DNASE1L3: variants seen among roughly 807,000 people sequenced by gnomAD.
DNASE1L3 encodes the protein deoxyribonuclease gamma.
In DNASE1L3, 27 loss-of-function variants were observed where a neutral mutation model predicts 30.9. The ratio of observed to expected loss-of-function variants is 0.87; its 90% CI spans 0.64 to 1.20. DNASE1L3 has a LOEUF of 1.20. DNASE1L3 is among the 50% of genes most tolerant of loss of function. The probability of loss-of-function intolerance (pLI) is 0.00; values close to 1 mark genes in which losing one functional copy is unlikely to be tolerated. For synonymous variants in DNASE1L3, 135 were observed against 138.0 expected, an observed-to-expected ratio of 0.98 and a Z score of 0.15; for missense variants, 364 against 378.2, an observed-to-expected ratio of 0.96 and a Z score of 0.31.
At chr3:58,199,690 T>C (rs2097399455) in intron 5 of DNASE1L3, among the ~76,000 whole-genome samples, 1 of 151,132 alleles carries the variant, frequency 6.6e-6, no homozygotes, top group Non-Finnish European at 1.5e-5. Context: ...AAGAATCACA[T>C]CCCAGTCTGC....
chr3:58,193,073 ATC>A, intron 7 of DNASE1L3: 1 of 1,391,954 alleles, frequency 7.2e-7, no homozygotes, highest in Non-Finnish European at 9.2e-7. Context: ...GCATCAACCC[ATC>A]TTTTTTTTTT....
chr3:58,198,074 A>G, intron 5 of DNASE1L3, 96 bp from the exon 6 acceptor site: 2 of 1,368,830 alleles, frequency 1.5e-6, no homozygotes, highest in Admixed American at 4.9e-5. Flanking sequence ...CAGGCCCAGT[A>G]AACAACAGGG....
Position 58,197,889 on chromosome 3 carries a change from C to G in DNASE1L3, c.636G>C (p.Arg212Ser), listed in dbSNP as rs527809170. 3 of 1,614,200 alleles carry G rather than the reference C, an allele frequency of 1.9e-6. No individual in the cohort carries two copies. The highest frequency in any genetic ancestry group is 2.5e-6 in the Non-Finnish European group (3 of 1,180,028). ...WKNIRLRTDPRFVWLIGDQED... is the reference protein window; with the variant it reads ...WKNIRLRTDPSFVWLIGDQED... ...CTTGGTCCCCGATCAGCCAAACAAA[C>G]CTGGGGTCAGTCCTCAAGCGGATGT... is the stretch of plus-strand genomic sequence containing the variant. The change falls in exon 6 of 8, where the codon AGG becomes AGC. Residue 212 changes from arginine (R) to serine (S), a missense_variant. Transcript: ENST00000394549. The surrounding 1 kb of genome is among the most constrained non-coding windows in gnomAD (Gnocchi z 5.3).
chr3:58,203,615 T>C (rs771770086), intron 4 of DNASE1L3, among the ~76,000 whole-genome samples: 2 of 152,016 alleles, frequency 1.3e-5, no homozygotes, highest in East Asian at 1.9e-4. Flanking sequence ...CTAGGCAACA[T>C]AGCGAGACCT....
At chr3:58,198,194 C>T (rs1022571630) in intron 5 of DNASE1L3, among the ~76,000 whole-genome samples, 3 of 152,114 alleles carry the variant, frequency 2.0e-5, no homozygotes, top group African/African-American at 7.2e-5. Context: ...GGAGATAGAA[C>T]CTTTCAAGAG....
intron 4 of DNASE1L3, among the ~76,000 whole-genome samples, chr3:58,201,791 G>A (rs1290827026): frequency 2.0e-5 from 3 of 152,228 alleles, no homozygotes; most frequent in Non-Finnish European, 4.4e-5. Context: ...GCTGAGTAAA[G>A]GATAAAAATT....
At position 58,193,456 on chromosome 3, in the gene DNASE1L3, G is replaced by GA; in HGVS notation, c.705-18dup. 1.2e-6 allele frequency: 2 copies of GA among 1,600,550 alleles called. No individual in the cohort carries two copies. The highest frequency in any genetic ancestry group is 1.7e-6 in the Non-Finnish European group (2 of 1,168,802). On this transcript the variant is annotated splice_polypyrimidine_tract_variant and intron_variant, in intron 6 of 7. Transcript: ENST00000394549. Reference sequence around the variant, plus strand: ...AGCACAATCCTGGAACAAGGGGAGGGAAAACAGTTGTGTTAATCCAACCTG... The same window carrying GA: ...AGCACAATCCTGGAACAAGGGGAGGGAAAAACAGTTGTGTTAATCCAACCTG...
Position 58,192,504 on chromosome 3 carries a change from G to A in DNASE1L3, c.*183C>T, listed in dbSNP as rs2097394845. 5.3e-6 allele frequency: 3 copies of A among 562,296 alleles called. No homozygotes were observed. The highest frequency in any genetic ancestry group is 8.9e-6 in the Non-Finnish European group (3 of 335,624). 34.8% of individuals were successfully genotyped at this position (562,296 alleles called of 1,614,324 possible). On this transcript the variant is annotated 3_prime_UTR_variant, in exon 8 of 8. Coordinates refer to ENST00000394549, the MANE Select transcript of DNASE1L3 (RefSeq NM_004944.4). The surrounding 1 kb of genome is among the most constrained non-coding windows in gnomAD (Gnocchi z 4.8). ...TTCCCTTTTAGACAATTCAGGGGAG[G>A]TATGAGACCAAGAGAGATACAAAAG...
At chr3:58,204,919 GC>G in intron 3 of DNASE1L3, 38 bp from the exon 4 acceptor site, 1 of 1,591,240 alleles carries the variant, frequency 6.3e-7, no homozygotes, top group East Asian at 2.2e-5. Context: ...AGCTGAGTCA[GC>G]CCTTTTCTTA....
chr3:58,203,315 A>G (rs1000800489), intron 4 of DNASE1L3, among the ~76,000 whole-genome samples: 4 of 151,856 alleles, frequency 2.6e-5, no homozygotes, highest in African/African-American at 9.7e-5. Flanking sequence ...CCCACTTCTG[A>G]GCTTTTGTGC....
chr3:58,206,272 C>T (rs374275701), intron 2 of DNASE1L3, among the ~76,000 whole-genome samples: 1 of 152,102 alleles, frequency 6.6e-6, no homozygotes, highest in African/African-American at 2.4e-5. Context: ...TATCTGCTCA[C>T]AAAAAGATCT....
chr3:58,193,376 G>T lies in DNASE1L3; in HGVS notation c.768C>A (p.Asp256Glu). 5.6e-6 allele frequency: 9 copies of T among 1,614,118 alleles called. No individual in the cohort carries two copies. The highest frequency in any genetic ancestry group is 7.6e-6 in the Non-Finnish European group (9 of 1,180,014). ...CAGTCAGCTTGTAAGCTTTCTGGAA[G>T]TCAAAAACACTGTTTGACTTGGGAA... ...SVVPKSNSVF[D>E]FQKAYKLTEE... The change falls in exon 7 of 8, where the codon GAC (aspartate) becomes GAA (glutamate). Residue 256 changes from aspartate to glutamate, a missense_variant. Coordinates refer to ENST00000394549, the MANE Select transcript of DNASE1L3 (RefSeq NM_004944.4).
At chr3:58,195,017 A>C (rs1056169404) in intron 6 of DNASE1L3, among the ~76,000 whole-genome samples, 1 of 152,244 alleles carries the variant, frequency 6.6e-6, no homozygotes, top group African/African-American at 2.4e-5. Context: ...CAGAAAGCAA[A>C]GAATGACATG....
Position 58,209,344 on chromosome 3 carries a change from G to A in DNASE1L3, c.142-1038C>T, listed in dbSNP as rs1012766440. ...CTCACCAAGGAACAAAAAGACAGCC[G>A]GGTTTCATCAGTGAGGAAGGAGATG... On this transcript the variant is annotated intron_variant, in intron 1 of 7. Transcript: ENST00000394549. Among the ~76,000 whole-genome samples, 14 of 152,318 alleles carry A rather than the reference G, an allele frequency of 9.2e-5. 1 individual carries two copies. Among genetic ancestry groups the A allele is most frequent in the Middle Eastern group, 6.8e-3 (2 of 294 alleles).
At chr3:58,193,621 G>C (rs907638705) in intron 6 of DNASE1L3, among the ~76,000 whole-genome samples, 182 bp from the exon 7 acceptor site, 1 of 152,212 alleles carries the variant, frequency 6.6e-6, no homozygotes, top group Non-Finnish European at 1.5e-5. Context: ...TGTGAAATAG[G>C]ATCAGTCCCT....
intron 4 of DNASE1L3, among the ~76,000 whole-genome samples, chr3:58,203,150 G>A (rs1441673367): frequency 6.6e-6 from 1 of 152,166 alleles, no homozygotes; most frequent in Non-Finnish European, 1.5e-5. Flanking sequence ...GGGCTGTGGG[G>A]CGGTCACTGC....
chr3:58,204,606 C>A (rs971042859), intron 4 of DNASE1L3, among the ~76,000 whole-genome samples, 163 bp downstream of exon 4: 1 of 152,190 alleles, frequency 6.6e-6, no homozygotes, highest in Non-Finnish European at 1.5e-5. Flanking sequence ...GAGAAGCAAG[C>A]CTGGTGCCAT....
In DNASE1L3 at chr3:58,210,702, G is replaced by A. The variant is rs1280735036; in HGVS notation, c.141+64C>T. ...CTTTAAGTTCCTTGAGTCTCTTAAA[G>A]TCTGCAGACAGGAGAGAGGGTGTGA... is the stretch of plus-strand genomic sequence containing the variant. On this transcript the variant is annotated intron_variant, in intron 1 of 7. Coordinates refer to ENST00000394549, the MANE Select transcript of DNASE1L3 (RefSeq NM_004944.4). 4 of 1,609,232 alleles carry A rather than the reference G, an allele frequency of 2.5e-6. No homozygotes were observed. The South Asian group carries it at 3.3e-5, about 13-fold the overall frequency.
At position 58,200,913 on chromosome 3, in the gene DNASE1L3, C is replaced by G. The variant is rs768829032; in HGVS notation, c.546+84G>C. ...GCCTGCACATGCCCTTCCTCCTCCCCCTCCCTGGAGAGGTACTCATCCCAC... is the reference window on the plus strand; with the variant it reads ...GCCTGCACATGCCCTTCCTCCTCCCGCTCCCTGGAGAGGTACTCATCCCAC... On this transcript the variant is annotated intron_variant, in intron 5 of 7. Coordinates refer to ENST00000394549, the MANE Select transcript of DNASE1L3 (RefSeq NM_004944.4). This position sits in a 1 kb window ranked among gnomAD's most constrained non-coding sequence, Gnocchi z 4.2. 2.9e-5 allele frequency: 31 copies of G among 1,078,360 alleles called. No individual in the cohort carries two copies. The South Asian group carries it at 4.6e-4, about 16-fold the overall frequency. 66.8% of individuals were successfully genotyped at this position (1,078,360 alleles called of 1,614,324 possible). A position where few individuals can be genotyped will look rare whatever the true frequency, so the allele number is the denominator to read the frequency against.
Sources: allele counts gnomAD v4.1 joint callset (sites outside exome capture counted in the v4.1 genomes callset), GRCh38; gene constraint gnomAD v4.1.1; non-coding constraint Gnocchi (gnomAD v3.1); transcripts MANE v1.5; gene names NCBI Gene and HGNC (gene_info 2026-07-23, HGNC 2026-07-21).